The following IWS1 variants were observed in gnomAD, a reference collection of about 807,000 sequenced individuals.
IWS1 encodes the protein interacts with SUPT6H, CTD assembly factor 1.
Under a neutral mutation model 86.7 loss-of-function variants are expected in IWS1, and 27 were observed. That is an observed-to-expected ratio of 0.31 (90% confidence interval 0.23 to 0.43). IWS1 has a LOEUF of 0.43. Ranked by LOEUF, IWS1 falls within the 20% of genes least tolerant of loss-of-function variation. The probability of loss-of-function intolerance (pLI) is 1.00; values close to 1 mark genes in which losing one functional copy is unlikely to be tolerated. For missense variants in IWS1, 827 were observed against 1,000.8 expected (o/e 0.83, Z 2.34); for synonymous variants, 313 against 335.1 (o/e 0.93, Z 0.72).
At position 127,504,114 on chromosome 2, in the gene IWS1, G is replaced by C. The variant is rs1054945051; in HGVS notation, c.1220-538C>G. On this transcript the variant is annotated intron_variant, in intron 3 of 13. Transcript: ENST00000295321. ...AATGAAATATGTCTTTTCCAAAAAA[G>C]ATAAGTTTCATAAAAAAGTAGACAA... Among the ~76,000 whole-genome samples, 7 of 152,270 alleles carry C rather than the reference G, an allele frequency of 4.6e-5. No homozygotes were observed. In the South Asian group the frequency reaches 1.2e-3, roughly 27 times the overall value.
At position 127,491,719 on chromosome 2, in the gene IWS1, A is replaced by G. The variant is rs570899490; in HGVS notation, c.2047+252T>C. 9.2e-5 allele frequency among the ~76,000 whole-genome samples: 14 copies of G among 152,306 alleles called. No individual in the cohort carries two copies. The East Asian group carries it at 2.7e-3, about 29-fold the overall frequency. Reference sequence around the variant, plus strand: ...AAGCCTCCCAAAGTGCTGGGATTACAGGCGTTAAGCCACCACACCCAGCCT... The same window carrying G: ...AAGCCTCCCAAAGTGCTGGGATTACGGGCGTTAAGCCACCACACCCAGCCT... On this transcript the variant is annotated intron_variant, in intron 10 of 13. Transcript: ENST00000295321.
rs532214439 is a variant in IWS1, at chr2:127,481,244, C to G, written c.2329-69G>C. ...TAAGTCTAGTTATGTCTTTCATCTT[C>G]TTATAACTGAGTTAGCAACCAGAAG... On this transcript the variant is annotated intron_variant, in intron 13 of 13. Coordinates refer to ENST00000295321, the MANE Select transcript of IWS1 (RefSeq NM_017969.3). 208 of 1,428,730 alleles carry G rather than the reference C, an allele frequency of 1.5e-4. 1 individual carries two copies. The South Asian group carries it at 2.8e-3, about 19-fold the overall frequency. The allele number at this position is 1,428,730 out of a possible 1,614,324, so 88.5% of individuals were successfully genotyped here.
intron 2 of IWS1, among the ~76,000 whole-genome samples, chr2:127,508,270 T>G (rs1437848612): frequency 6.6e-6 from 1 of 152,174 alleles, no homozygotes; most frequent in East Asian, 1.9e-4. Flanking sequence ...TGTAACAGTA[T>G]AGTGTGACAT....
At chr2:127,482,399 T>C (rs968713014) in intron 13 of IWS1, 1 of 152,222 alleles carries the variant, frequency 6.6e-6, no homozygotes, top group Non-Finnish European at 1.5e-5. Context: ...ATCGTCTCAA[T>C]ACTTGGCATT....
rs537613074 is a variant in IWS1, at chr2:127,494,618, C to CA, written c.1799+253dup. ...CTTTACCAAAAAAACAAAAACAAAA[C>CA]AAAAAAACACAAAATTAGTAGTTTC... On this transcript the variant is annotated intron_variant, in intron 8 of 13. Transcript: ENST00000295321. The CA allele has an allele frequency of 2.3e-4, 62 of 268,026 alleles. No individual in the cohort carries two copies. The East Asian group carries it at 3.4e-3, about 15-fold the overall frequency. 16.6% of individuals were successfully genotyped at this position (268,026 alleles called of 1,614,324 possible). A position where few individuals can be genotyped will look rare whatever the true frequency, so the allele number is the denominator to read the frequency against.
Position 127,489,822 on chromosome 2 carries a change from T to TC in IWS1, c.2159+9dup. ...GTGTATTCCACTTACTCATACCTGT[T>TC]CCCTCATACCTGTTCATTCTTCGTC... On this transcript the variant is annotated intron_variant, in intron 11 of 13. Transcript: ENST00000295321. This position sits in a 1 kb window ranked among gnomAD's most constrained non-coding sequence, Gnocchi z 4.8. The TC allele has an allele frequency of 6.9e-7, 1 of 1,445,960 alleles. No individual in the cohort carries two copies. The allele number at this position is 1,445,960 out of a possible 1,614,324, so 89.6% of individuals were successfully genotyped here.
At chr2:127,518,723 G>A (rs958132341) in intron 2 of IWS1, among the ~76,000 whole-genome samples, 6 of 151,832 alleles carry the variant, frequency 4.0e-5, no homozygotes, top group African/African-American at 1.5e-4. Context: ...CTGTCACCAC[G>A]CCTGGCTAAT....
intron 5 of IWS1, among the ~76,000 whole-genome samples, chr2:127,500,464 A>G (rs1288384055): frequency 6.6e-6 from 1 of 152,178 alleles, no homozygotes. Flanking sequence ...TTATCGATAT[A>G]AAGTGACCTC....
At chr2:127,507,615 C>T (rs1332686944) in intron 2 of IWS1, among the ~76,000 whole-genome samples, 1 of 152,180 alleles carries the variant, frequency 6.6e-6, no homozygotes, top group Non-Finnish European at 1.5e-5. Context: ...CTAAAGTTTA[C>T]TTTAGCCACA....
chr2:127,490,107 C>A (rs1347282398), intron 10 of IWS1, among the ~76,000 whole-genome samples, 164 bp from the exon 11 acceptor site: 1 of 152,110 alleles, frequency 6.6e-6, no homozygotes, highest in African/African-American at 2.4e-5. Context: ...AAGCATAATG[C>A]CAGTGTACTG....
rs878984044 is a variant in IWS1, at chr2:127,505,228, T to A, written c.675A>T (p.Glu225Asp). Reference protein sequence around the residue: ...ELPKPQVSDSESEEPPRHQAS... With the variant: ...ELPKPQVSDSDSEEPPRHQAS... ...CCTGGTGCCTTGGGGGTTCCTCACT[T>A]TCTGAATCACTGACCTGAGGTTTAG... The change falls in exon 3 of 14, where the codon GAA becomes GAT. Residue 225 changes from glutamate to aspartate, a missense_variant. Physicochemically the swap from Glu to Asp is conservative, Grantham distance 45. Transcript: ENST00000295321. This position sits in a 1 kb window ranked among gnomAD's most constrained non-coding sequence, Gnocchi z 5.0. The A allele has an allele frequency of 6.2e-7, 1 of 1,612,442 alleles. No individual in the cohort carries two copies. Among genetic ancestry groups the A allele is most frequent in the Non-Finnish European group, 8.5e-7 (1 of 1,179,436 alleles).
chr2:127,498,505 A>G (rs2104685905), intron 5 of IWS1, among the ~76,000 whole-genome samples: 1 of 152,352 alleles, frequency 6.6e-6, no homozygotes, highest in African/African-American at 2.4e-5. Flanking sequence ...CAGAGTGGGT[A>G]CAGGATAATG....
chr2:127,505,900 C>G lies in IWS1; in HGVS notation c.151-148G>C. ...TTCTTGTCCTATACCCATATAGAAA[C>G]ACCCCCACAGAAAGCCAATCAGTGA... is the stretch of plus-strand genomic sequence containing the variant. On this transcript the variant is annotated intron_variant, in intron 2 of 13. Transcript: ENST00000295321. The surrounding 1 kb of genome is among the most constrained non-coding windows in gnomAD (Gnocchi z 5.0). 2.0e-6 allele frequency: 1 copy of G among 509,710 alleles called. No homozygotes were observed. Among genetic ancestry groups the G allele is most frequent in the Non-Finnish European group, 3.4e-6 (1 of 298,024 alleles). The allele number at this position is 509,710 out of a possible 1,614,324, so 31.6% of individuals were successfully genotyped here. A position where few individuals can be genotyped will look rare whatever the true frequency, so the allele number is the denominator to read the frequency against.
intron 10 of IWS1, among the ~76,000 whole-genome samples, chr2:127,491,629 G>A (rs113743953): frequency 0.016 from 2,411 of 152,136 alleles, 63 homozygotes; most frequent in African/African-American, 0.054. Context: ...ATTTTTAGTA[G>A]AGATGGGGTT....
At chr2:127,481,566 T>C (rs1689632139) in intron 13 of IWS1, among the ~76,000 whole-genome samples, 1 of 152,158 alleles carries the variant, frequency 6.6e-6, no homozygotes, top group Non-Finnish European at 1.5e-5. Context: ...TTTCAAACAG[T>C]GCTGGCATAA....
At chr2:127,503,698 AAATAAAT>A in intron 3 of IWS1, 122 bp from the exon 4 acceptor site, 1 of 356,302 alleles carries the variant, frequency 2.8e-6, no homozygotes. Context: ...ATAAATAAAT[AAATAAAT>A]AAAATAAAAT....
At chr2:127,496,273 G>A in intron 6 of IWS1, 125 bp from the exon 7 acceptor site, 1 of 1,065,158 alleles carries the variant, frequency 9.4e-7, no homozygotes, top group Non-Finnish European at 1.3e-6. Context: ...TCTTTTAAAA[G>A]TGCAAATACA....
At chr2:127,497,523 A>AT in intron 6 of IWS1, among the ~76,000 whole-genome samples, 1 of 152,366 alleles carries the variant, frequency 6.6e-6, no homozygotes, top group Non-Finnish European at 1.5e-5. Context: ...CATCAGAATC[A>AT]TTACACTTAA....
chr2:127,520,993 C>T (rs918319205), intron 2 of IWS1, among the ~76,000 whole-genome samples: 30 of 152,346 alleles, frequency 2.0e-4, no homozygotes, highest in Middle Eastern at 3.4e-3. Flanking sequence ...GGCACAGTGG[C>T]TCACACCTGT....
Sources: gnomAD v4.1 joint callset for allele counts (sites outside exome capture counted in the v4.1 genomes callset) on GRCh38, gnomAD v4.1.1 for gene constraint, Gnocchi (gnomAD v3.1) non-coding constraint, MANE v1.5 for transcripts, NCBI Gene and HGNC (gene_info 2026-07-23, HGNC 2026-07-21) for gene names.